The following EPHA6 variants were observed in gnomAD, a reference collection of about 807,000 sequenced individuals.
EPHA6 encodes ephrin type-A receptor 6.
EPHA6 carries 50 observed loss-of-function variants against 112.0 expected under a neutral mutation model. The observed-to-expected ratio is 0.45, with a 90% CI of 0.36 to 0.56. The LOEUF (loss-of-function observed/expected upper bound fraction) is 0.56. Among genes scored for constraint, EPHA6 ranks in the 20% least tolerant of loss-of-function variants. The pLI is 0.00. For synonymous variants in EPHA6, 529 were observed against 490.7 expected (o/e 1.08, Z -1.03); for missense variants, 1,280 against 1,417.4 (o/e 0.90, Z 1.56).
intron 13 of EPHA6, among the ~76,000 whole-genome samples, chr3:97,617,925 A>G (rs2093780123): frequency 6.6e-6 from 1 of 152,070 alleles, no homozygotes; most frequent in Non-Finnish European, 1.5e-5. Flanking sequence ...TCTGGATTGA[A>G]TGGACTTGAT....
At chr3:97,297,361 T>C (rs1273655006) in intron 5 of EPHA6, among the ~76,000 whole-genome samples, 4 of 152,228 alleles carry the variant, frequency 2.6e-5, no homozygotes, top group African/African-American at 9.6e-5. Flanking sequence ...ATTTTGATTG[T>C]TCTTTATGGA....
chr3:97,287,230 T>C (rs1171163151), intron 5 of EPHA6, among the ~76,000 whole-genome samples: 1 of 150,814 alleles, frequency 6.6e-6, no homozygotes, highest in African/African-American at 2.5e-5. Flanking sequence ...TAGATGACTT[T>C]AATTTTTTTC....
intron 2 of EPHA6, among the ~76,000 whole-genome samples, chr3:96,933,569 G>C (rs1217853277): frequency 6.6e-6 from 1 of 152,060 alleles, no homozygotes; most frequent in Non-Finnish European, 1.5e-5. Flanking sequence ...AGTTATAACA[G>C]AATTCTCTTG....
intron 4 of EPHA6, among the ~76,000 whole-genome samples, chr3:97,243,008 T>C (rs555719537): frequency 9.9e-5 from 15 of 151,966 alleles, no homozygotes; most frequent in African/African-American, 2.7e-4. Context: ...TAATGAACAT[T>C]ATAAAACTGA....
intron 5 of EPHA6, among the ~76,000 whole-genome samples, chr3:97,276,220 G>A (rs143866830): frequency 3.3e-5 from 5 of 152,140 alleles, no homozygotes; most frequent in Admixed American, 1.3e-4. Context: ...GGGGGCTTCC[G>A]AGGCGATCGG....
chr3:97,478,803 A>G (rs1288453815), intron 8 of EPHA6, among the ~76,000 whole-genome samples: 3 of 152,114 alleles, frequency 2.0e-5, no homozygotes, highest in Non-Finnish European at 4.4e-5. Context: ...ATGGATGTTG[A>G]AGAATTTACT....
At chr3:96,996,228 A>G (rs746534850) in intron 3 of EPHA6, among the ~76,000 whole-genome samples, 1 of 151,968 alleles carries the variant, frequency 6.6e-6, no homozygotes, top group Non-Finnish European at 1.5e-5. Context: ...TCTTGTCTCT[A>G]CTTCTGCTTT....
intron 1 of EPHA6, among the ~76,000 whole-genome samples, chr3:96,820,697 A>G (rs2033184773): frequency 6.6e-6 from 1 of 152,084 alleles, no homozygotes; most frequent in Non-Finnish European, 1.5e-5. Context: ...TATAATTTTA[A>G]TAGAACAGTT....
Position 97,748,755 on chromosome 3 carries a change from T to A in EPHA6, c.*54T>A, listed in dbSNP as rs533075393. 277 of 881,780 alleles carry A rather than the reference T, an allele frequency of 3.1e-4. 4 individuals are homozygous for A. The South Asian group carries it at 3.7e-3, about 12-fold the overall frequency. 54.6% of individuals were successfully genotyped at this position (881,780 alleles called of 1,614,324 possible). ...CTCAGCATTTCTAAAATGAACGATATCCTCTCTACTACTCTCTCTTCTGAT... is the reference window on the plus strand; with the variant it reads ...CTCAGCATTTCTAAAATGAACGATAACCTCTCTACTACTCTCTCTTCTGAT... On this transcript the variant is annotated 3_prime_UTR_variant, in exon 18 of 18. Transcript: ENST00000389672.
intron 3 of EPHA6, among the ~76,000 whole-genome samples, chr3:97,218,805 G>C (rs1223234005): frequency 6.6e-6 from 1 of 152,180 alleles, no homozygotes; most frequent in East Asian, 1.9e-4. Flanking sequence ...AAAATTCCAA[G>C]TCCAAAGTCT....
intron 1 of EPHA6, among the ~76,000 whole-genome samples, chr3:96,827,505 C>T (rs1273391664): frequency 6.6e-6 from 1 of 152,014 alleles, no homozygotes; most frequent in East Asian, 1.9e-4. Context: ...TATCATGCCT[C>T]AGAGGATGTT....
chr3:97,301,001 C>T (rs573353756), intron 5 of EPHA6, among the ~76,000 whole-genome samples: 12 of 152,204 alleles, frequency 7.9e-5, no homozygotes, highest in African/African-American at 2.9e-4. Flanking sequence ...TGACCTCCAG[C>T]CATCCTGATC....
rs539421023 is a variant in EPHA6 at position 97,355,852 on chromosome 3, T to A, written c.1607-49298T>A. On this transcript the variant is annotated intron_variant, in intron 5 of 17. Coordinates refer to ENST00000389672, the MANE Select transcript of EPHA6 (RefSeq NM_001080448.3). Reference sequence around the variant, plus strand: ...AAGGGATAAAGATATTCCATGCAAATGGAAACACAAAAAAAGGGCAGGAGT... The same window carrying A: ...AAGGGATAAAGATATTCCATGCAAAAGGAAACACAAAAAAAGGGCAGGAGT... Among the ~76,000 whole-genome samples the A allele has an allele frequency of 3.3e-5, 5 of 151,812 alleles. No individual in the cohort carries two copies. The South Asian group carries it at 1.0e-3, about 32-fold the overall frequency.
intron 5 of EPHA6, among the ~76,000 whole-genome samples, chr3:97,277,240 G>C (rs2080119252): frequency 6.6e-6 from 1 of 152,078 alleles, no homozygotes. Context: ...TCAGCGAAGG[G>C]AGATAGGGGT....
At chr3:97,536,262 A>T (rs904339735) in intron 11 of EPHA6, among the ~76,000 whole-genome samples, 4 of 152,148 alleles carry the variant, frequency 2.6e-5, no homozygotes, top group African/African-American at 9.7e-5. Context: ...AAAAGCAAGA[A>T]CTATGGTTTA....
At chr3:97,252,458 C>G (rs1176792293) in intron 5 of EPHA6, among the ~76,000 whole-genome samples, 1 of 152,114 alleles carries the variant, frequency 6.6e-6, no homozygotes. Flanking sequence ...CACACCCACA[C>G]GATGCTCCAG....
intron 5 of EPHA6, among the ~76,000 whole-genome samples, chr3:97,368,207 C>T (rs2084848360): frequency 6.6e-6 from 1 of 151,984 alleles, no homozygotes; most frequent in Admixed American, 6.6e-5. Context: ...ACAGGAAAAC[C>T]TTTTAATTTC....
At chr3:97,299,598 CTGAA>C (rs2081013090) in intron 5 of EPHA6, among the ~76,000 whole-genome samples, 1 of 152,020 alleles carries the variant, frequency 6.6e-6, no homozygotes, top group East Asian at 1.9e-4. Flanking sequence ...TTTAAGAACA[CTGAA>C]TGTCCATCAG....
Position 97,529,489 on chromosome 3 carries a change from C to G in EPHA6, c.2201-2869C>G, listed in dbSNP as rs148932035. Among the ~76,000 whole-genome samples the G allele has an allele frequency of 2.1e-4, 32 of 152,140 alleles. No individual in the cohort carries two copies. The East Asian group carries it at 4.1e-3, about 19-fold the overall frequency. On this transcript the variant is annotated intron_variant, in intron 10 of 17. Coordinates refer to ENST00000389672, the MANE Select transcript of EPHA6 (RefSeq NM_001080448.3). ...CTATAGTTGATGAGTTAATTATGTACTAACCAGTATATATAAATGTTCACA... is the reference window on the plus strand; with the variant it reads ...CTATAGTTGATGAGTTAATTATGTAGTAACCAGTATATATAAATGTTCACA...
Sources: gnomAD v4.1 joint callset for allele counts (sites outside exome capture counted in the v4.1 genomes callset) on GRCh38, gnomAD v4.1.1 for gene constraint, MANE v1.5 for transcripts, NCBI Gene and HGNC (gene_info 2026-07-23, HGNC 2026-07-21) for gene names.